The following ARHGAP32 variants were observed in gnomAD, a reference collection of about 807,000 sequenced individuals.
ARHGAP32 encodes rho GTPase-activating protein 32.
ARHGAP32 carries 51 observed loss-of-function variants against 186.5 expected under a neutral mutation model. The ratio of observed to expected loss-of-function variants is 0.27; its 90% CI spans 0.22 to 0.35. The LOEUF (loss-of-function observed/expected upper bound fraction) is 0.35. Ranked by LOEUF, ARHGAP32 falls within the 10% of genes least tolerant of loss-of-function variation. ARHGAP32 has a pLI of 1.00. For synonymous variants in ARHGAP32, 950 were observed against 964.3 expected, an observed-to-expected ratio of 0.99 and a Z score of 0.27; for missense variants, 2,186 against 2,623.5, an observed-to-expected ratio of 0.83 and a Z score of 3.64.
At chr11:129,063,068 T>TC in intron 9 of ARHGAP32, among the ~76,000 whole-genome samples, 1 of 133,008 alleles carries the variant, frequency 7.5e-6, no homozygotes, top group African/African-American at 2.7e-5. Context: ...AAAGAAATGC[T>TC]GATATCTATG....
In ARHGAP32 at chr11:129,263,561, AGGAGGAGGAGGAG is replaced by A. The variant is rs757819979; in HGVS notation, c.-5+15572_-5+15584del. Among the ~76,000 whole-genome samples the A allele has an allele frequency of 5.5e-5, 5 of 90,526 alleles. No homozygotes were observed. The South Asian group carries it at 1.6e-3, about 30-fold the overall frequency. The allele number at this position is 90,526 out of a possible 152,430, so 59.4% of individuals were successfully genotyped here. A position where few individuals can be genotyped will look rare whatever the true frequency, so the allele number is the denominator to read the frequency against. ...ATTAAAATGGCTACTGGCAAAAAAA[AGGAGGAGGAGGAG>A]AAGGAGGAAGAGGAGGAGAAGGAGG... On this transcript the variant is annotated intron_variant, in intron 1 of 6. Transcript: ENST00000525234.
intron 1 of ARHGAP32, among the ~76,000 whole-genome samples, chr11:129,233,133 CT>C (rs1223620992): frequency 4.0e-5 from 6 of 151,434 alleles, no homozygotes; most frequent in African/African-American, 1.5e-4. Context: ...ACAAGTAATG[CT>C]AAAAAAAATG....
chr11:129,195,033 G>A (rs999890351), upstream of ARHGAP32, among the ~76,000 whole-genome samples: 5 of 150,614 alleles, frequency 3.3e-5, no homozygotes, highest in Non-Finnish European at 7.4e-5. Context: ...GCAGTGGCAC[G>A]ATCTCGACTC....
chr11:128,994,765 C>A (rs1404022653), intron 12 of ARHGAP32, among the ~76,000 whole-genome samples: 2 of 152,172 alleles, frequency 1.3e-5, no homozygotes, highest in African/African-American at 2.4e-5. Flanking sequence ...CCTTCTCCTG[C>A]TAATTTAGGC....
intron 12 of ARHGAP32, among the ~76,000 whole-genome samples, chr11:128,989,426 C>T (rs983059197): frequency 4.0e-5 from 6 of 151,640 alleles, no homozygotes; most frequent in Admixed American, 6.6e-5. Flanking sequence ...AAGTTTTACC[C>T]AAGGGCAGGC....
At chr11:129,049,909 T>C (rs1565396102) in intron 10 of ARHGAP32, among the ~76,000 whole-genome samples, 1 of 152,238 alleles carries the variant, frequency 6.6e-6, no homozygotes, top group Non-Finnish European at 1.5e-5. Flanking sequence ...AAGTGTACAG[T>C]AATTCCTCCC....
upstream of ARHGAP32, among the ~76,000 whole-genome samples, chr11:129,193,272 G>C (rs142279363): frequency 4.7e-4 from 54 of 115,606 alleles, no homozygotes; most frequent in African/African-American, 1.6e-3. Flanking sequence ...AAGAGTTCAA[G>C]ACCAACCTGG....
intron 2 of ARHGAP32, among the ~76,000 whole-genome samples, chr11:129,148,036 A>G (rs1211305317): frequency 6.6e-6 from 1 of 152,220 alleles, no homozygotes; most frequent in African/African-American, 2.4e-5. Context: ...ACTTTTAGGA[A>G]AGCCTTACAT....
intron 6 of ARHGAP32, among the ~76,000 whole-genome samples, chr11:129,076,796 T>G (rs1217738919): frequency 6.6e-6 from 1 of 152,128 alleles, no homozygotes; most frequent in Non-Finnish European, 1.5e-5. Context: ...CAGAACAGCA[T>G]GTGGAGGCTC....
chr11:129,258,723 C>T (rs937068527), intron 1 of ARHGAP32, among the ~76,000 whole-genome samples: 1 of 152,116 alleles, frequency 6.6e-6, no homozygotes, highest in African/African-American at 2.4e-5. Flanking sequence ...AGACTCAAAG[C>T]TAAACTTCCT....
At position 129,066,885 on chromosome 11, in the gene ARHGAP32, GA is replaced by G; in HGVS notation, c.532-18del. On this transcript the variant is annotated intron_variant, in intron 6 of 22. Transcript: ENST00000682385. ...ACTTTTTCCCTATTGGTAGAAAAAA[GA>G]AACTCATATAATTCACCTCTATTGG... 6.3e-7 allele frequency: 1 copy of G among 1,579,584 alleles called. No individual in the cohort carries two copies. The highest frequency in any genetic ancestry group is 8.6e-7 in the Non-Finnish European group (1 of 1,158,616).
intron 10 of ARHGAP32, among the ~76,000 whole-genome samples, chr11:129,050,139 G>C (rs1419085730): frequency 6.6e-6 from 1 of 152,182 alleles, no homozygotes; most frequent in Non-Finnish European, 1.5e-5. Flanking sequence ...TTTCAAATGA[G>C]TTGTGACATC....
Position 129,084,666 on chromosome 11 carries a change from A to G in ARHGAP32, c.531+8955T>C, listed in dbSNP as rs915475905. On this transcript the variant is annotated intron_variant, in intron 6 of 22. Transcript: ENST00000682385. The stretch of plus-strand genomic sequence containing the variant: ...ATAAAGGGAACTTCCATAACTTGAG[A>G]AAGAGCATCTACAAAAAACGTACAG... 3.3e-5 allele frequency among the ~76,000 whole-genome samples: 5 copies of G among 152,200 alleles called. No homozygotes were observed. In the East Asian group the frequency reaches 9.6e-4, roughly 29 times the overall value.
At chr11:129,030,954 G>A (rs12291192) in intron 11 of ARHGAP32, among the ~76,000 whole-genome samples, 2,961 of 152,256 alleles carry the variant, frequency 0.019, 45 homozygotes, top group African/African-American at 0.041. Flanking sequence ...GCCACATGAG[G>A]TGCCTGCTCC....
intron 10 of ARHGAP32, among the ~76,000 whole-genome samples, chr11:129,050,011 T>C (rs1939975579): frequency 6.6e-6 from 1 of 152,234 alleles, no homozygotes; most frequent in African/African-American, 2.4e-5. Context: ...TAGCCAATGA[T>C]AAAATTGGTT....
chr11:129,233,340 T>C (rs1334973965), intron 1 of ARHGAP32, among the ~76,000 whole-genome samples: 1 of 152,168 alleles, frequency 6.6e-6, no homozygotes, highest in African/African-American at 2.4e-5. Flanking sequence ...ATATTCTACA[T>C]TTACTTTTGT....
intron 10 of ARHGAP32, among the ~76,000 whole-genome samples, chr11:129,054,865 T>G (rs544389): frequency 0.13 from 20,538 of 152,204 alleles, 1,501 homozygotes; most frequent in Middle Eastern, 0.16. Context: ...TCCCAGAAGT[T>G]TAAGAAAAGA....
At chr11:129,166,875 T>C (rs1943651887) in intron 1 of ARHGAP32, among the ~76,000 whole-genome samples, 1 of 152,084 alleles carries the variant, frequency 6.6e-6, no homozygotes, top group Non-Finnish European at 1.5e-5. Flanking sequence ...AAGTTAACAA[T>C]ATATACACAT....
chr11:128,971,326 T>C, intron 22 of ARHGAP32, 167 bp from the exon 23 acceptor site: 1 of 589,612 alleles, frequency 1.7e-6, no homozygotes, highest in South Asian at 2.4e-5. Flanking sequence ...AGAAGGCTTG[T>C]GCTGCTATTT....
Sources: gnomAD v4.1 joint callset for allele counts (sites outside exome capture counted in the v4.1 genomes callset) on GRCh38, gnomAD v4.1.1 for gene constraint, MANE v1.5 for transcripts, NCBI Gene and HGNC (gene_info 2026-07-23, HGNC 2026-07-21) for gene names.